Variants in FAM185A observed in about 807,000 individuals in gnomAD.
FAM185A encodes family with sequence similarity 185 member A.
FAM185A carries 21 observed loss-of-function variants against 45.7 expected under a neutral mutation model. The observed-to-expected ratio is 0.46, with a 90% CI of 0.33 to 0.66. FAM185A has a LOEUF of 0.66. Ranked by LOEUF, FAM185A falls within the 30% of genes least tolerant of loss-of-function variation. The pLI is 0.03. For missense variants in FAM185A, 305 were observed against 485.4 expected (o/e 0.63, Z 3.49); for synonymous variants, 117 against 194.0 (o/e 0.60, Z 3.30).
chr7:102,761,483 T>C, intron 4 of FAM185A, 72 bp downstream of exon 4: 1 of 1,294,896 alleles, frequency 7.7e-7, no homozygotes, highest in East Asian at 3.1e-5. Context: ...ACTCTGTAGT[T>C]GAAAAAAGGA....
the FAM185A span, among the ~76,000 whole-genome samples, chr7:102,842,203 T>C: frequency 2.0e-5 from 3 of 152,186 alleles, no homozygotes; most frequent in African/African-American, 7.2e-5. Flanking sequence ...AGGCCAATGA[T>C]TAAAGTCATT....
At chr7:102,848,936 G>A in the FAM185A span, among the ~76,000 whole-genome samples, 20 of 152,180 alleles carry the variant, frequency 1.3e-4, no homozygotes, top group African/African-American at 4.8e-4. Flanking sequence ...GGATGCGGAG[G>A]TTGCAGTGAG....
intron 7 of FAM185A, among the ~76,000 whole-genome samples, chr7:102,793,205 T>TG (rs894176864): frequency 6.6e-6 from 1 of 150,956 alleles, no homozygotes; most frequent in Non-Finnish European, 1.5e-5. Flanking sequence ...ATGGTGTTTT[T>TG]TTTTTGTTGT....
chr7:102,802,915 T>C (rs1796879841), intron 7 of FAM185A, among the ~76,000 whole-genome samples: 1 of 151,962 alleles, frequency 6.6e-6, no homozygotes, highest in South Asian at 2.1e-4. Context: ...CCTTTACGCA[T>C]ATAAACTAGA....
At chr7:102,778,763 G>A (rs528723134) in intron 6 of FAM185A, among the ~76,000 whole-genome samples, 11 of 152,270 alleles carry the variant, frequency 7.2e-5, no homozygotes, top group Admixed American at 4.6e-4. Flanking sequence ...AAAGATTTCT[G>A]TCTTACTTCA....
chr7:102,800,910 A>G (rs894410337), intron 7 of FAM185A, among the ~76,000 whole-genome samples: 3 of 152,192 alleles, frequency 2.0e-5, no homozygotes, highest in African/African-American at 7.2e-5. Context: ...TCGCAAAAAG[A>G]TCTTCTCGTA....
chr7:102,808,608 G>T lies in FAM185A; in HGVS notation c.*206G>T. 2 of 540,676 alleles carry T rather than the reference G, an allele frequency of 3.7e-6. No individual in the cohort carries two copies. Among genetic ancestry groups the T allele is most frequent in the South Asian group, 4.4e-5 (2 of 45,238 alleles). The allele number at this position is 540,676 out of a possible 1,614,324, so 33.5% of individuals were successfully genotyped here. ...TCTGTAACAAATTACCACAAATTTA[G>T]CAGCATAAAATAATACTCATTTACA... On this transcript the variant is annotated 3_prime_UTR_variant, in exon 8 of 8. Coordinates refer to ENST00000413034, the MANE Select transcript of FAM185A (RefSeq NM_001145268.2).
chr7:102,841,070 T>G, the FAM185A span, among the ~76,000 whole-genome samples: 1 of 152,102 alleles, frequency 6.6e-6, no homozygotes, highest in Non-Finnish European at 1.5e-5. Flanking sequence ...CTGTGAGACA[T>G]GCCACAGGCC....
the FAM185A span, among the ~76,000 whole-genome samples, chr7:102,821,690 C>T: frequency 6.6e-6 from 1 of 152,156 alleles, no homozygotes; most frequent in African/African-American, 2.4e-5. Context: ...GAGGCAAAAA[C>T]TTGTGAGCTG....
At chr7:102,772,902 T>C (rs1794842342) in intron 5 of FAM185A, among the ~76,000 whole-genome samples, 1 of 151,934 alleles carries the variant, frequency 6.6e-6, no homozygotes, top group Admixed American at 6.6e-5. Flanking sequence ...AGGGAACATA[T>C]TGGTCAACAG....
chr7:102,822,222 T>G, the FAM185A span: 1 of 1,612,592 alleles, frequency 6.2e-7, no homozygotes, highest in Non-Finnish European at 8.5e-7. Context: ...AGAGCCAAAG[T>G]AAGTACTGGT....
At position 102,749,367 on chromosome 7, in the gene FAM185A, G is replaced by A. The variant is rs536084688; in HGVS notation, c.160G>A (p.Val54Ile). ...GCGCTGGCCCGGATCGGAGACTGAG[G>A]TCCCTCCGCCTGGCCCGGGGCGCCG... ...SERWPGSETE[V>I]PPPGPGRRTL... The change falls in exon 1 of 8, where the codon GTC becomes ATC. Residue 54 changes from valine (V) to isoleucine (I), a missense_variant. This residue lies in a region of FAM185A where 174 missense variants were observed against 247.1 expected (regional missense o/e 0.70). Transcript: ENST00000413034. 1.7e-4 allele frequency: 271 copies of A among 1,548,742 alleles called. 2 individuals carry two copies. In the African/African-American group the frequency reaches 3.5e-3, roughly 20 times the overall value.
intron 1 of FAM185A, 26 bp downstream of exon 1, chr7:102,749,684 T>G: frequency 6.7e-7 from 1 of 1,483,540 alleles, no homozygotes; most frequent in Non-Finnish European, 8.9e-7. Flanking sequence ...TGAAAACGGG[T>G]TTGGGTCCCA....
intron 7 of FAM185A, among the ~76,000 whole-genome samples, chr7:102,801,149 T>C (rs1213844326): frequency 1.3e-5 from 2 of 152,096 alleles, no homozygotes; most frequent in Non-Finnish European, 2.9e-5. Context: ...GTATGAAAGA[T>C]ACAGTCTTTT....
intron 4 of FAM185A, among the ~76,000 whole-genome samples, chr7:102,771,846 A>C (rs150606474): frequency 1.1e-3 from 166 of 152,320 alleles, no homozygotes; most frequent in African/African-American, 3.7e-3. Context: ...ACATATTTTC[A>C]CTAAGACGGA....
intron 6 of FAM185A, among the ~76,000 whole-genome samples, chr7:102,777,692 C>G (rs1470505339): frequency 6.7e-6 from 1 of 150,148 alleles, no homozygotes; most frequent in Non-Finnish European, 1.5e-5. Flanking sequence ...GCCATACACT[C>G]TTTTGGAAGC....
At chr7:102,774,783 TAG>T (rs1400030256) in intron 5 of FAM185A, among the ~76,000 whole-genome samples, 1 of 152,162 alleles carries the variant, frequency 6.6e-6, no homozygotes. Context: ...TTTTAAAAAA[TAG>T]AGACAAGGTC....
chr7:102,769,155 A>C (rs1794590412), intron 4 of FAM185A, among the ~76,000 whole-genome samples: 2 of 152,114 alleles, frequency 1.3e-5, no homozygotes, highest in African/African-American at 4.8e-5. Flanking sequence ...AAATATTTTG[A>C]AGTGTTACTT....
At chr7:102,842,816 T>C in the FAM185A span, among the ~76,000 whole-genome samples, 3 of 152,140 alleles carry the variant, frequency 2.0e-5, no homozygotes, top group African/African-American at 7.2e-5. Flanking sequence ...TAGTCCAGAG[T>C]ACAAGACTCA....
Sources: allele counts gnomAD v4.1 joint callset (sites outside exome capture counted in the v4.1 genomes callset), GRCh38; gene constraint gnomAD v4.1.1; regional missense constraint gnomAD v4.1.1; transcripts MANE v1.5; gene names NCBI Gene and HGNC (gene_info 2026-07-23, HGNC 2026-07-21).